Variants in KIF13B observed in about 807,000 individuals in gnomAD.
KIF13B encodes the protein kinesin family member 13B.
A neutral mutation model predicts 222.0 loss-of-function variants in KIF13B; 127 were observed. The ratio of observed to expected loss-of-function variants is 0.57; its 90% confidence interval spans 0.50 to 0.66. The LOEUF (loss-of-function observed/expected upper bound fraction) is 0.66, where lower values mean the gene tolerates loss of function less well. KIF13B is among the 30% of genes least tolerant of loss of function. The pLI, the probability that KIF13B is intolerant of heterozygous loss-of-function variation, is 0.00. For synonymous variants in KIF13B, 976 were observed against 919.0 expected, an observed-to-expected ratio of 1.06 and a Z score of -1.12; for missense variants, 2,173 against 2,379.0, an observed-to-expected ratio of 0.91 and a Z score of 1.80.
intron 37 of KIF13B, among the ~76,000 whole-genome samples, chr8:29,081,451 T>C (rs569666693): frequency 6.6e-6 from 1 of 152,360 alleles, no homozygotes; most frequent in African/African-American, 2.4e-5. Context: ...AGCCTCGGCA[T>C]GTGGGTCTGC....
chr8:29,210,604 A>G (rs1814176688), intron 2 of KIF13B, among the ~76,000 whole-genome samples: 1 of 152,248 alleles, frequency 6.6e-6, no homozygotes, highest in African/African-American at 2.4e-5. Flanking sequence ...ATGAGAACCA[A>G]CAAGGAAATA....
chr8:29,220,552 T>TA (rs57295549), intron 2 of KIF13B, among the ~76,000 whole-genome samples: 38,774 of 149,362 alleles, frequency 0.26, 5,683 homozygotes, highest in African/African-American at 0.4. Context: ...TTTCTTTATT[T>TA]AAAAAAAAAA....
chr8:29,136,353 CG>C (rs1810553850), intron 21 of KIF13B, among the ~76,000 whole-genome samples: 1 of 151,968 alleles, frequency 6.6e-6, no homozygotes, highest in Non-Finnish European at 1.5e-5. Flanking sequence ...CCAAGGTGGG[CG>C]GATCACCTGA....
chr8:29,132,943 C>G (rs1810408499), intron 22 of KIF13B, among the ~76,000 whole-genome samples: 1 of 152,186 alleles, frequency 6.6e-6, no homozygotes, highest in African/African-American at 2.4e-5. Flanking sequence ...TGTGAAAATT[C>G]TGCCAGCCTG....
chr8:29,244,077 G>T (rs1815909613), intron 2 of KIF13B, among the ~76,000 whole-genome samples: 1 of 151,504 alleles, frequency 6.6e-6, no homozygotes, highest in South Asian at 2.1e-4. Context: ...GCAGTGGTGT[G>T]ATCTCGGCTC....
Position 29,092,795 on chromosome 8 carries a change from G to C in KIF13B, c.4408C>G (p.Pro1470Ala). Residue 1470 changes from proline to alanine, a missense_variant, in exon 37 of 40, where the codon CCC becomes GCC. By Grantham distance (27) the Pro-to-Ala change is conservative. Transcript: ENST00000524189. ...TTGCCCCTCTTCTCATCGCGGACGG[G>C]AAAGAGAGACTTGAGGAGCTTTGGC... is the stretch of plus-strand genomic sequence containing the variant. ...QMPKLLKSLF[P>A]VRDEKRGKRP... The C allele has an allele frequency of 6.2e-7, 1 of 1,613,524 alleles. No homozygotes were observed. Among genetic ancestry groups the C allele is most frequent in the Non-Finnish European group, 8.5e-7 (1 of 1,179,730 alleles).
chr8:29,182,122 C>T (rs556721927), intron 6 of KIF13B, 116 bp from the exon 7 acceptor site: 10 of 652,004 alleles, frequency 1.5e-5, no homozygotes, highest in African/African-American at 1.1e-4. Flanking sequence ...ATAAGTAAAA[C>T]CAACTGACTT....
chr8:29,081,521 T>C (rs1807809594), intron 37 of KIF13B, among the ~76,000 whole-genome samples: 1 of 152,244 alleles, frequency 6.6e-6, no homozygotes, highest in Non-Finnish European at 1.5e-5. Flanking sequence ...GACGGAACTT[T>C]AGTGTCTGAA....
At chr8:29,181,558 T>A (rs1482807542) in intron 7 of KIF13B, among the ~76,000 whole-genome samples, 1 of 152,072 alleles carries the variant, frequency 6.6e-6, no homozygotes, top group Non-Finnish European at 1.5e-5. Flanking sequence ...TACAAAAAAA[T>A]TCACCATGAT....
At chr8:29,180,993 A>G (rs944740136) in intron 7 of KIF13B, among the ~76,000 whole-genome samples, 2 of 152,208 alleles carry the variant, frequency 1.3e-5, no homozygotes, top group Admixed American at 1.3e-4. Context: ...ACTTCTTTCC[A>G]GTAGGGCAGC....
chr8:29,171,060 G>A (rs1812216108), intron 10 of KIF13B, among the ~76,000 whole-genome samples: 1 of 152,190 alleles, frequency 6.6e-6, no homozygotes. Flanking sequence ...CGAGGGAAAC[G>A]ACTGTCATCC....
At chr8:29,111,744 C>G (rs988929730) in intron 32 of KIF13B, among the ~76,000 whole-genome samples, 1 of 152,328 alleles carries the variant, frequency 6.6e-6, no homozygotes, top group Admixed American at 6.5e-5. Flanking sequence ...CAGTTTCCTA[C>G]AGCCATCACC....
intron 2 of KIF13B, among the ~76,000 whole-genome samples, chr8:29,202,402 C>G (rs577503053): frequency 6.6e-6 from 1 of 152,320 alleles, no homozygotes; most frequent in African/African-American, 2.4e-5. Flanking sequence ...ACTGTAATCT[C>G]TGCCTTCTGG....
In KIF13B at chr8:29,180,091, T is replaced by A. The variant is rs1388529018; in HGVS notation, c.720+13A>T. 1 of 1,613,608 alleles carries A rather than the reference T, an allele frequency of 6.2e-7. No homozygotes were observed. Among genetic ancestry groups the A allele is most frequent in the Admixed American group, 1.7e-5 (1 of 59,936 alleles). On this transcript the variant is annotated intron_variant, in intron 8 of 39. Coordinates refer to ENST00000524189, the MANE Select transcript of KIF13B (RefSeq NM_015254.4). ...TAGAAATATAAAAACAGGTCATGCATCTGAACACCTACCCCAGACTTCACA... is the reference window on the plus strand; with the variant it reads ...TAGAAATATAAAAACAGGTCATGCAACTGAACACCTACCCCAGACTTCACA...
chr8:29,210,011 G>A (rs113907579), intron 2 of KIF13B, among the ~76,000 whole-genome samples: 1,926 of 151,926 alleles, frequency 0.013, 24 homozygotes, highest in African/African-American at 0.03. Context: ...AGCCATGATT[G>A]CATCACTGCA....
Position 29,127,395 on chromosome 8 carries a change from G to C in KIF13B, c.3076-127C>G. 1 of 639,300 alleles carries C rather than the reference G, an allele frequency of 1.6e-6. No homozygotes were observed. Among genetic ancestry groups the C allele is most frequent in the Non-Finnish European group, 2.5e-6 (1 of 397,222 alleles). The allele number at this position is 639,300 out of a possible 1,614,324, so 39.6% of individuals were successfully genotyped here. On this transcript the variant is annotated intron_variant, in intron 24 of 39. Transcript: ENST00000524189. ...TCAGACACTGTCACTATACCTTATT[G>C]TTAAGCATTAAAATACAAATTTAAA...
intron 29 of KIF13B, among the ~76,000 whole-genome samples, chr8:29,122,043 AG>A (rs1264613033): frequency 1.3e-5 from 2 of 152,160 alleles, no homozygotes. Flanking sequence ...TCACGAGGTC[AG>A]GAGATCGAGA....
intron 3 of KIF13B, among the ~76,000 whole-genome samples, chr8:29,191,322 C>A (rs1813174644): frequency 6.6e-6 from 1 of 152,146 alleles, no homozygotes; most frequent in South Asian, 2.1e-4. Context: ...CACAGAATTA[C>A]ATCTATAGTT....
Position 29,160,903 on chromosome 8 carries a change from C to G in KIF13B, c.1270-36G>C, listed in dbSNP as rs371381955. 19 of 1,592,264 alleles carry G rather than the reference C, an allele frequency of 1.2e-5. No individual in the cohort carries two copies. The East Asian group carries it at 2.2e-4, about 19-fold the overall frequency. Reference sequence around the variant, plus strand: ...TATCAGAGAAGTATTAATTTCACAGCTATTGAGGCAGTGAGATATCCAAGC... The same window carrying G: ...TATCAGAGAAGTATTAATTTCACAGGTATTGAGGCAGTGAGATATCCAAGC... On this transcript the variant is annotated intron_variant, in intron 12 of 39. Transcript: ENST00000524189.
Sources: gnomAD v4.1 joint callset for allele counts (sites outside exome capture counted in the v4.1 genomes callset) on GRCh38, gnomAD v4.1.1 for gene constraint, MANE v1.5 for transcripts, NCBI Gene and HGNC (gene_info 2026-07-23, HGNC 2026-07-21) for gene names.